GLIS3: variants seen among roughly 807,000 people sequenced by gnomAD.
GLIS3 encodes the protein GLIS family zinc finger 3, also known as zinc finger protein GLIS3.
A neutral mutation model predicts 78.6 loss-of-function variants in GLIS3; 53 were observed. The observed-to-expected ratio is 0.67, with a 90% CI of 0.54 to 0.85. GLIS3 has a LOEUF of 0.85. Among genes scored for constraint, GLIS3 ranks in the 40% least tolerant of loss-of-function variants. The pLI is 0.00. For synonymous variants in GLIS3, 684 were observed against 509.9 expected, an observed-to-expected ratio of 1.34 and a Z score of -4.60; for missense variants, 1,703 against 1,231.1, an observed-to-expected ratio of 1.38 and a Z score of -5.74.
chr9:4,131,285 C>T (rs1034969757), intron 2 of GLIS3, among the ~76,000 whole-genome samples: 1 of 152,126 alleles, frequency 6.6e-6, no homozygotes, highest in East Asian at 1.9e-4. Flanking sequence ...TGAGTTAAGA[C>T]TTTGGAGACT....
At chr9:4,421,810 A>C in the GLIS3 span, among the ~76,000 whole-genome samples, 1 of 152,212 alleles carries the variant, frequency 6.6e-6, no homozygotes, top group Non-Finnish European at 1.5e-5. Context: ...AGTGAACCAA[A>C]CATAAGTGAT....
the GLIS3 span, among the ~76,000 whole-genome samples, chr9:4,366,872 A>C: frequency 6.6e-6 from 1 of 152,226 alleles, no homozygotes; most frequent in Non-Finnish European, 1.5e-5. Context: ...TCAGGAGACA[A>C]TGGGCCAGAG....
chr9:4,312,727 G>A (rs889216885), intron 2 of GLIS3, among the ~76,000 whole-genome samples: 1 of 152,164 alleles, frequency 6.6e-6, no homozygotes, highest in Non-Finnish European at 1.5e-5. Context: ...TTGTGGCTTA[G>A]TGGAACTGAA....
chr9:4,117,837 G>T lies in GLIS3; in HGVS notation c.1641C>A (p.Pro547=). The T allele has an allele frequency of 6.2e-7, 1 of 1,614,150 alleles. No homozygotes were observed. Among genetic ancestry groups the T allele is most frequent in the Non-Finnish European group, 8.5e-7 (1 of 1,180,026 alleles). The change falls in exon 4 of 11, where the codon CCC becomes CCA. Residue 547 remains proline, a synonymous_variant. Coordinates refer to ENST00000381971, the MANE Select transcript of GLIS3 (RefSeq NM_001042413.2). ...FWAGCPRRYK[P]FNARYKLLIH... ...TCAGCAGTTTATAGCGGGCGTTGAA[G>T]GGCTTGTATCTTCGAGGGCAACCGG...
At chr9:4,182,173 T>C (rs1294887443) in intron 2 of GLIS3, among the ~76,000 whole-genome samples, 1 of 152,224 alleles carries the variant, frequency 6.6e-6, no homozygotes, top group Non-Finnish European at 1.5e-5. Context: ...TTATTGTTCA[T>C]TTTGATCTGA....
chr9:3,908,801 C>A (rs1823928112), intron 6 of GLIS3, among the ~76,000 whole-genome samples: 1 of 122,264 alleles, frequency 8.2e-6, no homozygotes, highest in South Asian at 2.6e-4. Flanking sequence ...GTCATTTTCT[C>A]ATTTCAGATA....
chr9:4,311,713 T>G (rs551285666), intron 2 of GLIS3, among the ~76,000 whole-genome samples: 9 of 152,144 alleles, frequency 5.9e-5, no homozygotes, highest in African/African-American at 1.9e-4. Context: ...CCACCTCCCC[T>G]GCCTTCTATA....
At chr9:4,311,226 T>A (rs1412009786) in intron 2 of GLIS3, among the ~76,000 whole-genome samples, 2 of 152,104 alleles carry the variant, frequency 1.3e-5, no homozygotes, top group Admixed American at 6.5e-5. Context: ...CTGGCCAACA[T>A]GGCGAAACCC....
rs1825679659 is a variant in GLIS3, at chr9:3,932,463, T to C, written c.1880A>G (p.Tyr627Cys). Residue 627 changes from tyrosine to cysteine, a missense_variant, in exon 6 of 11, where the codon TAT becomes TGT. Coordinates refer to ENST00000381971, the MANE Select transcript of GLIS3 (RefSeq NM_001042413.2). ...GGTACATCCTGGAATTTGACAAGCA[T>C]AAGGTTTCTAAATGAGAAAGAAAGA... ...HQRTHLDTKP[Y>C]ACQIPGCTKR... is the part of the protein sequence containing the mutation. 3.1e-6 allele frequency: 5 copies of C among 1,610,210 alleles called. No homozygotes were observed. The East Asian group carries it at 1.1e-4, about 36-fold the overall frequency.
At chr9:4,385,330 T>C in the GLIS3 span, among the ~76,000 whole-genome samples, 1 of 152,192 alleles carries the variant, frequency 6.6e-6, no homozygotes, top group Admixed American at 6.5e-5. Context: ...ATATAGATGT[T>C]AGACTCCATG....
chr9:4,463,651 G>C, the GLIS3 span, among the ~76,000 whole-genome samples: 4 of 151,988 alleles, frequency 2.6e-5, 1 homozygote, highest in Non-Finnish European at 5.9e-5. Flanking sequence ...ACCTCAAATG[G>C]GAAGTACAAG....
At chr9:4,392,767 T>C in the GLIS3 span, among the ~76,000 whole-genome samples, 152 of 152,326 alleles carry the variant, frequency 1.0e-3, no homozygotes, top group Non-Finnish European at 2.1e-3. Context: ...AGGGAGCACC[T>C]CAGAGTAGCC....
At chr9:4,460,227 G>C in the GLIS3 span, among the ~76,000 whole-genome samples, 2 of 152,038 alleles carry the variant, frequency 1.3e-5, no homozygotes, top group African/African-American at 4.8e-5. Flanking sequence ...ATGGAGAAAG[G>C]GGGCAATTCC....
the GLIS3 span, among the ~76,000 whole-genome samples, chr9:4,428,809 A>C: frequency 0.3 from 46,243 of 152,052 alleles, 8,650 homozygotes; most frequent in African/African-American, 0.53. Flanking sequence ...ACTTTTAGCT[A>C]AAAGGGAAAT....
chr9:3,840,471 C>T (rs1394710003), intron 9 of GLIS3, among the ~76,000 whole-genome samples: 6 of 152,302 alleles, frequency 3.9e-5, no homozygotes, highest in South Asian at 2.1e-4. Flanking sequence ...GCTGCAGGAA[C>T]AGCTCACAGA....
the GLIS3 span, among the ~76,000 whole-genome samples, chr9:4,381,797 G>C: frequency 1.3e-5 from 2 of 152,208 alleles, no homozygotes; most frequent in Non-Finnish European, 2.9e-5. Flanking sequence ...TTTCTGTTAT[G>C]TCTGGCAAGA....
chr9:4,002,296 C>G (rs550391840), intron 4 of GLIS3, among the ~76,000 whole-genome samples: 81 of 152,252 alleles, frequency 5.3e-4, no homozygotes, highest in African/African-American at 1.9e-3. Context: ...CAGAAGGAAC[C>G]TTCTGACTTT....
rs574915921 is a variant in GLIS3 at position 4,227,109 on chromosome 9, T to C, written c.388+58929A>G. On this transcript the variant is annotated intron_variant, in intron 2 of 10. Coordinates refer to ENST00000381971, the MANE Select transcript of GLIS3 (RefSeq NM_001042413.2). ...CAGTTCTGGGCCTTTGCTTTGCAGA[T>C]GGGCACGGGCACAGAAGGAGGCACT... Among the ~76,000 whole-genome samples the C allele has an allele frequency of 4.0e-4, 61 of 152,250 alleles. 2 individuals are homozygous for C. In the South Asian group the frequency reaches 0.011, roughly 28 times the overall value.
chr9:4,470,814 G>C, the GLIS3 span, among the ~76,000 whole-genome samples: 1 of 149,736 alleles, frequency 6.7e-6, no homozygotes, highest in Non-Finnish European at 1.5e-5. Flanking sequence ...AAGTCAAATT[G>C]TCCCTGTTTG....
Sources: gnomAD v4.1 joint callset for allele counts (sites outside exome capture counted in the v4.1 genomes callset) on GRCh38, gnomAD v4.1.1 for gene constraint, MANE v1.5 for transcripts, NCBI Gene and HGNC (gene_info 2026-07-23, HGNC 2026-07-21) for gene names.